Variants in TAFA1 observed in about 807,000 individuals in gnomAD.
The protein encoded by TAFA1 is TAFA chemokine like family member 1.
Under a neutral mutation model 18.5 loss-of-function variants are expected in TAFA1, and 4 were observed. The ratio of observed to expected loss-of-function variants is 0.22; its 90% CI spans 0.11 to 0.49. The LOEUF (loss-of-function observed/expected upper bound fraction) is 0.49, where lower values mean the gene tolerates loss of function less well. TAFA1 is among the 20% of genes least tolerant of loss of function. TAFA1 has a pLI of 0.98. For synonymous variants in TAFA1, 56 were observed against 55.2 expected (o/e 1.01, Z -0.06); for missense variants, 147 against 169.0 (o/e 0.87, Z 0.72).
At chr3:68,185,775 G>A (rs2066262452) in intron 2 of TAFA1, among the ~76,000 whole-genome samples, 1 of 151,926 alleles carries the variant, frequency 6.6e-6, no homozygotes, top group Non-Finnish European at 1.5e-5. Flanking sequence ...AGCCAGGTGT[G>A]GTGGCGCCTG....
chr3:68,044,835 G>C (rs1705235464), intron 2 of TAFA1, among the ~76,000 whole-genome samples: 1 of 152,194 alleles, frequency 6.6e-6, no homozygotes, highest in Admixed American at 6.5e-5. Context: ...TGTTGTTGCA[G>C]AAATGTTGTG....
rs571285562 is a variant in TAFA1, at chr3:68,340,745, A to G, written c.119-76535A>G. On this transcript the variant is annotated intron_variant, in intron 2 of 4. Coordinates refer to ENST00000478136, the MANE Select transcript of TAFA1 (RefSeq NM_213609.4). ...TCTCTAATTAATTCAAGTACTGAGC[A>G]TTGATAGGGTCACATGCCCTGTCTT... Among the ~76,000 whole-genome samples, 8 of 152,328 alleles carry G rather than the reference A, an allele frequency of 5.3e-5. No individual in the cohort carries two copies. The South Asian group carries it at 1.0e-3, about 20-fold the overall frequency.
chr3:68,538,604 A>T (rs1338372231), intron 3 of TAFA1, among the ~76,000 whole-genome samples, 152 bp from the exon 4 acceptor site: 1 of 152,116 alleles, frequency 6.6e-6, no homozygotes, highest in African/African-American at 2.4e-5. Context: ...TTAAAATCTT[A>T]TTTTTTTAAT....
chr3:68,392,259 C>T (rs1311485602), intron 2 of TAFA1, among the ~76,000 whole-genome samples: 1 of 146,646 alleles, frequency 6.8e-6, no homozygotes, highest in Non-Finnish European at 1.5e-5. Context: ...TCAAAAAAGA[C>T]AAAGAAGGAT....
intron 2 of TAFA1, among the ~76,000 whole-genome samples, chr3:68,132,376 A>T (rs1187732747): frequency 6.6e-6 from 1 of 152,172 alleles, no homozygotes; most frequent in Non-Finnish European, 1.5e-5. Flanking sequence ...ATGATTTCTA[A>T]TCCTTTGAGT....
intron 2 of TAFA1, among the ~76,000 whole-genome samples, chr3:68,330,367 C>T (rs1483186848): frequency 1.3e-5 from 2 of 152,162 alleles, no homozygotes; most frequent in Non-Finnish European, 2.9e-5. Flanking sequence ...GTAAGGCTGG[C>T]TTCATCAAAC....
chr3:68,402,642 G>A (rs2106751445), intron 2 of TAFA1, among the ~76,000 whole-genome samples: 1 of 152,236 alleles, frequency 6.6e-6, no homozygotes, highest in East Asian at 1.9e-4. Context: ...TAGATGTGAG[G>A]CACAGCCCTC....
chr3:68,261,448 A>G (rs1020381568), intron 2 of TAFA1, among the ~76,000 whole-genome samples: 24 of 152,202 alleles, frequency 1.6e-4, no homozygotes. Context: ...TCATGCTGCT[A>G]TAAAGATACA....
chr3:68,020,922 A>G (rs1704674181), intron 2 of TAFA1, among the ~76,000 whole-genome samples: 1 of 152,070 alleles, frequency 6.6e-6, no homozygotes, highest in Non-Finnish European at 1.5e-5. Flanking sequence ...GCAGTGGCTC[A>G]CACCTGTAAT....
chr3:68,373,929 T>G (rs552172797), intron 2 of TAFA1, among the ~76,000 whole-genome samples: 1 of 152,340 alleles, frequency 6.6e-6, no homozygotes, highest in South Asian at 2.1e-4. Context: ...CTTTCTGTAT[T>G]GGTTCAGACT....
intron 2 of TAFA1, among the ~76,000 whole-genome samples, chr3:68,196,375 GCAAT>G (rs1033244659): frequency 2.0e-5 from 3 of 151,656 alleles, no homozygotes; most frequent in South Asian, 2.1e-4. Flanking sequence ...ACCAAATGTA[GCAAT>G]CAATCAATCA....
At chr3:68,107,774 A>T (rs2065219658) in intron 2 of TAFA1, among the ~76,000 whole-genome samples, 1 of 152,178 alleles carries the variant, frequency 6.6e-6, no homozygotes, top group Non-Finnish European at 1.5e-5. Context: ...ACTCTGACAT[A>T]GCACCAATTA....
At chr3:68,005,929 A>G (rs1170394873) in intron 1 of TAFA1, among the ~76,000 whole-genome samples, 1 of 152,216 alleles carries the variant, frequency 6.6e-6, no homozygotes, top group African/African-American at 2.4e-5. Context: ...CCACCTGTAT[A>G]TGCATATTCA....
chr3:68,332,987 A>G (rs2068908343), intron 2 of TAFA1, among the ~76,000 whole-genome samples: 1 of 152,206 alleles, frequency 6.6e-6, no homozygotes, highest in Admixed American at 6.5e-5. Flanking sequence ...GCTATTCCTA[A>G]AAAGTCAAAA....
At chr3:68,254,532 A>G (rs1017068518) in intron 2 of TAFA1, among the ~76,000 whole-genome samples, 4 of 152,016 alleles carry the variant, frequency 2.6e-5, no homozygotes, top group Admixed American at 1.3e-4. Context: ...CATGGTGGGG[A>G]GGGGACTATA....
intron 3 of TAFA1, among the ~76,000 whole-genome samples, chr3:68,468,190 C>G (rs752902704): frequency 8.5e-5 from 13 of 152,124 alleles, no homozygotes; most frequent in Non-Finnish European, 1.5e-4. Flanking sequence ...GGATATGCAT[C>G]TAACAAATTT....
At chr3:68,533,029 G>A (rs1340959491) in intron 3 of TAFA1, among the ~76,000 whole-genome samples, 2 of 151,452 alleles carry the variant, frequency 1.3e-5, no homozygotes, top group African/African-American at 2.4e-5. Flanking sequence ...TTCCAAAGAG[G>A]GTTTCGAGGG....
chr3:68,406,334 A>C (rs78983974), intron 2 of TAFA1, among the ~76,000 whole-genome samples: 26 of 152,242 alleles, frequency 1.7e-4, no homozygotes, highest in African/African-American at 6.3e-4. Context: ...AGCTGGTTCA[A>C]TGGTCTTGGT....
At position 68,093,276 on chromosome 3, in the gene TAFA1, G is replaced by A. The variant is rs142513254; in HGVS notation, c.118+86532G>A. 5.1e-4 allele frequency among the ~76,000 whole-genome samples: 78 copies of A among 152,160 alleles called. No individual in the cohort carries two copies. In the Middle Eastern group the frequency reaches 0.02, roughly 40 times the overall value. On this transcript the variant is annotated intron_variant, in intron 2 of 4. Coordinates refer to ENST00000478136, the MANE Select transcript of TAFA1 (RefSeq NM_213609.4). Reference sequence around the variant, plus strand: ...TCTCTCAAATTCACAGCTGATGAATGTGTTCTTCCCACCTAGGCTTTCCTT... The same window carrying A: ...TCTCTCAAATTCACAGCTGATGAATATGTTCTTCCCACCTAGGCTTTCCTT...
Sources: allele counts gnomAD v4.1 joint callset (sites outside exome capture counted in the v4.1 genomes callset), GRCh38; gene constraint gnomAD v4.1.1; transcripts MANE v1.5; gene names NCBI Gene and HGNC (gene_info 2026-07-23, HGNC 2026-07-21).